PTPN14: variants seen among roughly 807,000 people sequenced by gnomAD.
PTPN14 encodes the protein protein tyrosine phosphatase non-receptor type 14.
In PTPN14, 53 loss-of-function variants were observed where a neutral mutation model predicts 126.8. The ratio of observed to expected loss-of-function variants is 0.42; its 90% CI spans 0.34 to 0.53. The LOEUF is 0.53. PTPN14 is among the 20% of genes least tolerant of loss of function. The pLI, the probability that PTPN14 is intolerant of heterozygous loss-of-function variation, is 0.08. For synonymous variants in PTPN14, 630 were observed against 599.3 expected (o/e 1.05, Z -0.75); for missense variants, 1,257 against 1,552.9 (o/e 0.81, Z 3.20).
At chr1:214,378,847 T>C (rs1352674268) in intron 13 of PTPN14, among the ~76,000 whole-genome samples, 1 of 152,168 alleles carries the variant, frequency 6.6e-6, no homozygotes, top group Non-Finnish European at 1.5e-5. Context: ...TGCATGCCAC[T>C]GAGCTATGGG....
At chr1:214,389,971 C>T (rs1267547087) in intron 11 of PTPN14, among the ~76,000 whole-genome samples, 1 of 152,196 alleles carries the variant, frequency 6.6e-6, no homozygotes, top group African/African-American at 2.4e-5. Flanking sequence ...TCAGGAATTA[C>T]TGCGATAATA....
chr1:214,471,246 A>C (rs1433017358), intron 1 of PTPN14, among the ~76,000 whole-genome samples: 1 of 152,146 alleles, frequency 6.6e-6, no homozygotes, highest in East Asian at 1.9e-4. Context: ...AAGACTAAAG[A>C]AAGGGAAAAA....
chr1:214,525,330 A>C (rs1655362290), intron 1 of PTPN14, among the ~76,000 whole-genome samples: 1 of 152,244 alleles, frequency 6.6e-6, no homozygotes, highest in Admixed American at 6.5e-5. Context: ...AAACCTGGTG[A>C]ACCTCTGAAA....
chr1:214,451,704 C>CA, intron 3 of PTPN14, 101 bp downstream of exon 3: 1 of 1,372,242 alleles, frequency 7.3e-7, no homozygotes. Flanking sequence ...CACCCGCACC[C>CA]ACACCCACAC....
At chr1:214,374,181 A>C (rs1032002918) in intron 15 of PTPN14, among the ~76,000 whole-genome samples, 3 of 152,226 alleles carry the variant, frequency 2.0e-5, no homozygotes, top group African/African-American at 4.8e-5. Context: ...AAAGTAATGA[A>C]GTAATCATTG....
At chr1:214,426,006 GT>G (rs1213833877) in intron 3 of PTPN14, among the ~76,000 whole-genome samples, 1 of 106,204 alleles carries the variant, frequency 9.4e-6, no homozygotes, top group Non-Finnish European at 1.7e-5. Flanking sequence ...TTAGTCTATA[GT>G]TTCTACAATC....
At chr1:214,421,186 G>C (rs1277041250) in intron 3 of PTPN14, among the ~76,000 whole-genome samples, 1 of 152,158 alleles carries the variant, frequency 6.6e-6, no homozygotes, top group Non-Finnish European at 1.5e-5. Flanking sequence ...ACAAAATGCG[G>C]TCTCTTCAAA....
intron 2 of PTPN14, among the ~76,000 whole-genome samples, chr1:214,462,394 G>C (rs1212255267): frequency 2.0e-5 from 3 of 152,166 alleles, no homozygotes; most frequent in Non-Finnish European, 4.4e-5. Context: ...ATAAACTCTA[G>C]CTTGACCTGG....
chr1:214,423,427 A>G (rs1258750843), intron 3 of PTPN14, among the ~76,000 whole-genome samples: 2 of 152,164 alleles, frequency 1.3e-5, no homozygotes, highest in Non-Finnish European at 2.9e-5. Context: ...CTCTGTATGG[A>G]TGGGAGTGCC....
intron 5 of PTPN14, among the ~76,000 whole-genome samples, chr1:214,403,185 C>T (rs557693616): frequency 9.2e-5 from 14 of 152,220 alleles, no homozygotes; most frequent in African/African-American, 2.2e-4. Context: ...TTTGGGTTGC[C>T]GCGTAAGTTC....
At position 214,495,797 on chromosome 1, in the gene PTPN14, C is replaced by T. The variant is rs368645343; in HGVS notation, c.-154-30840G>A. On this transcript the variant is annotated intron_variant, in intron 1 of 18. Transcript: ENST00000366956. ...GCAACCTCCGCCTCCCTGGTTCAAGCGATGCTCCTGCCTCAGCCTCCCGAG... is the reference window on the plus strand; with the variant it reads ...GCAACCTCCGCCTCCCTGGTTCAAGTGATGCTCCTGCCTCAGCCTCCCGAG... Among the ~76,000 whole-genome samples, 8 of 152,202 alleles carry T rather than the reference C, an allele frequency of 5.3e-5. No homozygotes were observed. In the East Asian group the frequency reaches 5.8e-4, roughly 11 times the overall value.
rs548069756 is a variant in PTPN14 at position 214,499,315 on chromosome 1, C to A, written c.-154-34358G>T. Among the ~76,000 whole-genome samples the A allele has an allele frequency of 3.3e-5, 5 of 151,928 alleles. No homozygotes were observed. In the East Asian group the frequency reaches 9.7e-4, roughly 29 times the overall value. On this transcript the variant is annotated intron_variant, in intron 1 of 18. Transcript: ENST00000366956. ...AATTAATGCCTGTCAAAATAAGAGA[C>A]CATAGTGATATAGAACCCTAGAGAG...
chr1:214,511,791 T>C (rs908198585), intron 1 of PTPN14, among the ~76,000 whole-genome samples: 2 of 152,228 alleles, frequency 1.3e-5, no homozygotes, highest in Non-Finnish European at 2.9e-5. Flanking sequence ...AACACATGAA[T>C]GGTTGGATAA....
rs66656875 is a variant in PTPN14 at position 214,426,032 on chromosome 1, C to CAA, written c.345-11308_345-11307dup. Among the ~76,000 whole-genome samples the CAA allele has an allele frequency of 4.3e-3, 146 of 33,876 alleles. 2 individuals carry two copies. The highest frequency in any genetic ancestry group is 0.015 in the African/African-American group (131 of 8,702). 22.2% of individuals were successfully genotyped at this position (33,876 alleles called of 152,430 possible). On this transcript the variant is annotated intron_variant, in intron 3 of 18. Transcript: ENST00000366956. ...TTTCTACAATCTGGAGCATAAATCGCAAAAAAAAAAAAAAAAAAAAAAAAA... is the reference window on the plus strand; with the variant it reads ...TTTCTACAATCTGGAGCATAAATCGCAAAAAAAAAAAAAAAAAAAAAAAAAAA...
At chr1:214,428,411 T>C (rs1056810948) in intron 3 of PTPN14, among the ~76,000 whole-genome samples, 1 of 152,218 alleles carries the variant, frequency 6.6e-6, no homozygotes, top group African/African-American at 2.4e-5. Flanking sequence ...CACATAATCT[T>C]TCATTAAAAC....
At chr1:214,546,564 T>C (rs1046526276) in intron 1 of PTPN14, among the ~76,000 whole-genome samples, 1 of 152,192 alleles carries the variant, frequency 6.6e-6, no homozygotes, top group Non-Finnish European at 1.5e-5. Flanking sequence ...AGGAATACAG[T>C]TCAGCACTAA....
At chr1:214,514,930 G>A (rs1376647885) in intron 1 of PTPN14, among the ~76,000 whole-genome samples, 2 of 152,178 alleles carry the variant, frequency 1.3e-5, no homozygotes, top group East Asian at 3.9e-4. Context: ...CACATACTAA[G>A]CAGAACTTTG....
At chr1:214,520,723 A>C (rs751418602) in intron 1 of PTPN14, among the ~76,000 whole-genome samples, 1 of 152,044 alleles carries the variant, frequency 6.6e-6, no homozygotes, top group Non-Finnish European at 1.5e-5. Context: ...ACTTTCCTCC[A>C]TCACTCTGAC....
At chr1:214,517,907 T>C (rs1387778371) in intron 1 of PTPN14, among the ~76,000 whole-genome samples, 1 of 152,128 alleles carries the variant, frequency 6.6e-6, no homozygotes, top group South Asian at 2.1e-4. Flanking sequence ...ATTGTGCCAC[T>C]GCACTCCAGC....
Sources: gnomAD v4.1 joint callset for allele counts (sites outside exome capture counted in the v4.1 genomes callset) on GRCh38, gnomAD v4.1.1 for gene constraint, MANE v1.5 for transcripts, NCBI Gene and HGNC (gene_info 2026-07-23, HGNC 2026-07-21) for gene names.